Variants in ESRRG observed in about 807,000 individuals in gnomAD.
ESRRG encodes estrogen-related receptor gamma.
ESRRG carries 13 observed loss-of-function variants against 44.0 expected under a neutral mutation model. The observed-to-expected ratio is 0.30, with a 90% CI of 0.19 to 0.47. The LOEUF (loss-of-function observed/expected upper bound fraction) is 0.47. ESRRG is among the 20% of genes least tolerant of loss of function. ESRRG has a pLI of 1.00. For synonymous variants in ESRRG, 215 were observed against 214.6 expected (o/e 1.00, Z -0.02); for missense variants, 395 against 580.6 (o/e 0.68, Z 3.29).
At chr1:216,637,880 A>G (rs1269946353) in intron 3 of ESRRG, among the ~76,000 whole-genome samples, 1 of 152,120 alleles carries the variant, frequency 6.6e-6, no homozygotes, top group Non-Finnish European at 1.5e-5. Flanking sequence ...TCATGGTCAT[A>G]TGAATATAAA....
chr1:216,770,205 G>A (rs145989642), intron 2 of ESRRG, among the ~76,000 whole-genome samples: 77 of 152,102 alleles, frequency 5.1e-4, no homozygotes, highest in Middle Eastern at 3.4e-3. Context: ...GTTCAAGGGT[G>A]CACATCACTT....
chr1:217,017,698 A>G (rs1422288345), intron 1 of ESRRG, among the ~76,000 whole-genome samples: 1 of 152,128 alleles, frequency 6.6e-6, no homozygotes, highest in African/African-American at 2.4e-5. Flanking sequence ...AATAATATCT[A>G]CGCCATAGGA....
intron 1 of ESRRG, among the ~76,000 whole-genome samples, chr1:217,136,604 AC>A (rs1227660691): frequency 6.6e-6 from 1 of 152,036 alleles, no homozygotes; most frequent in Non-Finnish European, 1.5e-5. Context: ...CTTTTGCTGC[AC>A]CCGCTCACAT....
At chr1:216,913,653 A>C (rs1350371706) in intron 2 of ESRRG, among the ~76,000 whole-genome samples, 1 of 152,226 alleles carries the variant, frequency 6.6e-6, no homozygotes, top group African/African-American at 2.4e-5. Flanking sequence ...AGCGTGCTGC[A>C]TCTGTTTCCT....
At chr1:216,732,838 TAA>T (rs796734813) in intron 2 of ESRRG, among the ~76,000 whole-genome samples, 1 of 69,020 alleles carries the variant, frequency 1.4e-5, no homozygotes, top group Non-Finnish European at 2.7e-5. Flanking sequence ...TCTCTAAAAT[TAA>T]AAAAAAAAAG....
intron 2 of ESRRG, among the ~76,000 whole-genome samples, chr1:216,747,731 C>A (rs1017924384): frequency 1.3e-5 from 2 of 152,104 alleles, no homozygotes; most frequent in Non-Finnish European, 2.9e-5. Flanking sequence ...CTCAGCCTAC[C>A]AACTTTACTG....
intron 5 of ESRRG, among the ~76,000 whole-genome samples, chr1:216,539,853 G>A (rs576799253): frequency 6.6e-6 from 1 of 151,988 alleles, no homozygotes; most frequent in East Asian, 1.9e-4. Context: ...AGCGAATTAA[G>A]TTAATTTGAG....
chr1:216,856,966 A>G (rs937056232), intron 2 of ESRRG, among the ~76,000 whole-genome samples: 14 of 152,282 alleles, frequency 9.2e-5, no homozygotes, highest in African/African-American at 3.4e-4. Flanking sequence ...GGCCCACTAA[A>G]ATGATACAAT....
chr1:217,044,463 C>T (rs1199067404), intron 1 of ESRRG, among the ~76,000 whole-genome samples: 3 of 152,146 alleles, frequency 2.0e-5, no homozygotes, highest in African/African-American at 7.2e-5. Flanking sequence ...GTGACCCATT[C>T]CTGGAAATCT....
chr1:216,909,703 G>A (rs2060094878), intron 2 of ESRRG, among the ~76,000 whole-genome samples: 1 of 152,044 alleles, frequency 6.6e-6, no homozygotes. Flanking sequence ...TAATTTATCT[G>A]TGACTTCCTA....
At chr1:216,702,343 G>A (rs2081531142) in intron 1 of ESRRG, among the ~76,000 whole-genome samples, 1 of 152,086 alleles carries the variant, frequency 6.6e-6, no homozygotes. Context: ...CAGCCAGTAG[G>A]CTGTGCTGAT....
At chr1:216,575,449 T>C (rs2061527440) in intron 3 of ESRRG, among the ~76,000 whole-genome samples, 1 of 152,126 alleles carries the variant, frequency 6.6e-6, no homozygotes, top group Non-Finnish European at 1.5e-5. Flanking sequence ...AATTAATCAA[T>C]TTGTGCATGA....
intron 2 of ESRRG, among the ~76,000 whole-genome samples, chr1:216,909,674 C>A (rs1048508561): frequency 6.6e-6 from 1 of 152,062 alleles, no homozygotes; most frequent in African/African-American, 2.4e-5. Flanking sequence ...TGTGAGCCAC[C>A]GTGCCCGGCC....
At chr1:216,879,150 T>C (rs2096403009) in intron 2 of ESRRG, among the ~76,000 whole-genome samples, 1 of 152,176 alleles carries the variant, frequency 6.6e-6, no homozygotes, top group South Asian at 2.1e-4. Flanking sequence ...ATAGCCCATT[T>C]ATGTAATTCT....
rs1319429030 is a variant in ESRRG at position 216,505,021 on chromosome 1, C to T, written c.*1918G>A. On this transcript the variant is annotated 3_prime_UTR_variant, in exon 7 of 7. Transcript: ENST00000408911. ...AACACCACAAGAACAAGACAACAGT[C>T]TTTGAATGCAACATAAAATTCAGAA... The T allele has an allele frequency of 1.3e-5, 2 of 152,572 alleles. No individual in the cohort carries two copies. The highest frequency in any genetic ancestry group is 2.9e-5 in the Non-Finnish European group (2 of 68,026). The allele number at this position is 152,572 out of a possible 1,614,324, so 9.5% of individuals were successfully genotyped here. A position where few individuals can be genotyped will look rare whatever the true frequency, so the allele number is the denominator to read the frequency against.
At chr1:217,089,009 G>C (rs972921117) in intron 1 of ESRRG, among the ~76,000 whole-genome samples, 1 of 151,980 alleles carries the variant, frequency 6.6e-6, no homozygotes, top group African/African-American at 2.4e-5. Flanking sequence ...GGACAGGAGG[G>C]AGACACCTAG....
chr1:216,962,380 G>T (rs1266873193), intron 1 of ESRRG, among the ~76,000 whole-genome samples: 2 of 152,114 alleles, frequency 1.3e-5, no homozygotes, highest in Admixed American at 6.6e-5. Context: ...AGAAGACAGG[G>T]CTTAGTGTAG....
In ESRRG at chr1:217,045,812, G is replaced by A. The variant is rs1003454178; in HGVS notation, c.-106+43695C>T. ...CCAACCCTGAAAGCCTCCCTTGGGC[G>A]CTTTCCCTCAGAGGCACACTGTCCT... On this transcript the variant is annotated intron_variant, in intron 1 of 7. Coordinates refer to the ESRRG transcript ENST00000359162. Among the ~76,000 whole-genome samples the A allele has an allele frequency of 3.2e-4, 48 of 152,098 alleles. 1 individual carries two copies. Among genetic ancestry groups the A allele is most frequent in the African/African-American group, 1.1e-3 (44 of 41,496 alleles).
At chr1:216,834,221 T>G (rs536716947) in intron 2 of ESRRG, among the ~76,000 whole-genome samples, 2 of 152,168 alleles carry the variant, frequency 1.3e-5, no homozygotes, top group South Asian at 4.2e-4. Flanking sequence ...GACAACATAG[T>G]GAAACTCCAT....
Sources: gnomAD v4.1 joint callset for allele counts (sites outside exome capture counted in the v4.1 genomes callset) on GRCh38, gnomAD v4.1.1 for gene constraint, MANE v1.5 for transcripts, NCBI Gene and HGNC (gene_info 2026-07-23, HGNC 2026-07-21) for gene names.